Variants in ZNF142 observed in about 807,000 individuals in gnomAD.
ZNF142 encodes the protein zinc finger protein 142.
ZNF142 carries 96 observed loss-of-function variants against 132.1 expected under a neutral mutation model. That is an observed-to-expected ratio of 0.73 (90% confidence interval 0.62 to 0.86). ZNF142 has a LOEUF of 0.86. Among genes scored for constraint, ZNF142 ranks in the 40% least tolerant of loss-of-function variants. The pLI is 0.00. For missense variants in ZNF142, 2,163 were observed against 2,336.2 expected (o/e 0.93, Z 1.53); for synonymous variants, 842 against 890.1 (o/e 0.95, Z 0.96).
Position 218,636,733 on chromosome 2 carries a change from T to A in ZNF142, c.*1606A>T. ...ACCTCATTCTTCCTAACAAGCAATC[T>A]GGGACCTGATTTTCCACCTTTTTTC... On this transcript the variant is annotated 3_prime_UTR_variant, in exon 11 of 11. Transcript: ENST00000411696. 1 of 787,644 alleles carries A rather than the reference T, an allele frequency of 1.3e-6. No individual in the cohort carries two copies. The highest frequency in any genetic ancestry group is 2.1e-6 in the Non-Finnish European group (1 of 481,340). The allele number at this position is 787,644 out of a possible 1,614,324, so 48.8% of individuals were successfully genotyped here. A position where few individuals can be genotyped will look rare whatever the true frequency, so the allele number is the denominator to read the frequency against.
chr2:218,646,005 G>A (rs553501122), intron 8 of ZNF142, among the ~76,000 whole-genome samples, 166 bp downstream of exon 8: 14 of 152,250 alleles, frequency 9.2e-5, no homozygotes, highest in African/African-American at 2.4e-4. Context: ...TGCCCGCCCC[G>A]GCCTCTCAAA....
rs1696824237 is a variant in ZNF142 at position 218,637,416 on chromosome 2, G to A, written c.*923C>T. ...TCTGGCTGGAACCATCCTGGTTTATGTCTGTTGTCCCAGCATAATTATTAA... is the reference window on the plus strand; with the variant it reads ...TCTGGCTGGAACCATCCTGGTTTATATCTGTTGTCCCAGCATAATTATTAA... On this transcript the variant is annotated 3_prime_UTR_variant, in exon 11 of 11. Coordinates refer to ENST00000411696, the MANE Select transcript of ZNF142 (RefSeq NM_001379659.1). Among the ~76,000 whole-genome samples, 1 of 152,158 alleles carries A rather than the reference G, an allele frequency of 6.6e-6. No homozygotes were observed.
Position 218,652,151 on chromosome 2 carries a change from G to A in ZNF142, c.430C>T (p.Pro144Ser), listed in dbSNP as rs1421392926. 5 of 450,360 alleles carry A rather than the reference G, an allele frequency of 1.1e-5. No individual in the cohort carries two copies. The highest frequency in any genetic ancestry group is 4.7e-5 in the South Asian group (3 of 64,148). 27.9% of individuals were successfully genotyped at this position (450,360 alleles called of 1,614,324 possible). A position where few individuals can be genotyped will look rare whatever the true frequency, so the allele number is the denominator to read the frequency against. Residue 144 changes from proline (P) to serine (S), a missense_variant, in exon 5 of 11, where the codon CCT becomes TCT. Physicochemically the swap from Pro to Ser is moderately conservative, Grantham distance 74. Transcript: ENST00000411696. ...CCAGGGAGGGTTGGGTTGCTGGGAG[G>A]CAGCTCTACAGAGCATGGGGGGCTA... Reference protein sequence around the residue: ...LSSPPCSVELPPSNPTLPGPL... With the variant: ...LSSPPCSVELSPSNPTLPGPL...
chr2:218,658,282 G>A (rs1216856405), intron 3 of ZNF142, among the ~76,000 whole-genome samples: 1 of 152,206 alleles, frequency 6.6e-6, no homozygotes, highest in Non-Finnish European at 1.5e-5. Context: ...GCTCAGGCCT[G>A]TAATCCCAGC....
chr2:218,644,698 C>T lies in ZNF142; in HGVS notation c.2418G>A (p.Gln806=), dbSNP rs1215400963. The change falls in exon 9 of 11, where the codon CAG becomes CAA. Residue 806 remains glutamine, a synonymous_variant. Coordinates refer to ENST00000411696, the MANE Select transcript of ZNF142 (RefSeq NM_001379659.1). This position sits in a 1 kb window ranked among gnomAD's most constrained non-coding sequence, Gnocchi z 4.6. ...HGYVPGDQAW[Q]LRYASQEPEG... Reference sequence around the variant, plus strand: ...CTGGCTCCTGGCTTGCATAGCGGAGCTGCCAGGCCTGGTCTCCAGGTACAT... The same window carrying T: ...CTGGCTCCTGGCTTGCATAGCGGAGTTGCCAGGCCTGGTCTCCAGGTACAT... 6.2e-7 allele frequency: 1 copy of T among 1,614,226 alleles called. No homozygotes were observed. The highest frequency in any genetic ancestry group is 8.5e-7 in the Non-Finnish European group (1 of 1,180,040).
chr2:218,647,213 G>A (rs2106234547), intron 7 of ZNF142, among the ~76,000 whole-genome samples: 1 of 151,850 alleles, frequency 6.6e-6, no homozygotes, highest in South Asian at 2.1e-4. Flanking sequence ...CATGAGGTCA[G>A]GAGATCGAGA....
At chr2:218,640,547 A>G in intron 10 of ZNF142, 117 bp downstream of exon 10, 1 of 852,130 alleles carries the variant, frequency 1.2e-6, no homozygotes, top group Non-Finnish European at 1.9e-6. Flanking sequence ...CCTGCTGTCT[A>G]CTCCCAATGT....
In ZNF142 at chr2:218,646,277, G is replaced by A; in HGVS notation, c.1945C>T (p.Leu649=). ...RDVSYLSKHM[L]THSNTKDYMC... is the part of the protein sequence containing the mutation. ...TAATCCTTGGTGTTGGAGTGGGTCAGCATGTGCTTGGATAGGTAGCTCACG... is the reference window on the plus strand; with the variant it reads ...TAATCCTTGGTGTTGGAGTGGGTCAACATGTGCTTGGATAGGTAGCTCACG... The change falls in exon 8 of 11, where the codon CTG becomes TTG. Residue 649 remains leucine (L), a synonymous_variant. Transcript: ENST00000411696. 3.7e-6 allele frequency: 6 copies of A among 1,614,200 alleles called. No individual in the cohort carries two copies. Among genetic ancestry groups the A allele is most frequent in the Non-Finnish European group, 5.1e-6 (6 of 1,180,042 alleles).
rs1440805911 is a variant in ZNF142 at position 218,649,369 on chromosome 2, T to C, written c.1139A>G (p.Glu380Gly). 6.2e-7 allele frequency: 1 copy of C among 1,614,030 alleles called. No homozygotes were observed. The highest frequency in any genetic ancestry group is 8.5e-7 in the Non-Finnish European group (1 of 1,180,020). The change falls in exon 7 of 11, where the codon GAG (glutamate) becomes GGG (glycine). Residue 380 changes from glutamate to glycine, a missense_variant. By Grantham distance (98) the Glu-to-Gly change is moderately conservative (BLOSUM62 -2). This residue lies in a region of ZNF142 where 749 missense variants were observed against 830.3 expected (regional missense o/e 0.90). Coordinates refer to ENST00000411696, the MANE Select transcript of ZNF142 (RefSeq NM_001379659.1). The part of the protein sequence containing the change: ...RCFKKRTHLV[E>G]HLHLHFPDPS... ...GTCTGGGAAGTGGAGATGCAGGTGC[T>C]CCACCAGATGAGTCCGCTTCTTAAA...
chr2:218,633,516 T>C lies in ZNF142; in HGVS notation c.*4823A>G. The C allele has an allele frequency of 1.4e-6, 2 of 1,450,696 alleles. No individual in the cohort carries two copies. Among genetic ancestry groups the C allele is most frequent in the African/African-American group, 1.4e-5 (1 of 71,498 alleles). The allele number at this position is 1,450,696 out of a possible 1,614,324, so 89.9% of individuals were successfully genotyped here. A position where few individuals can be genotyped will look rare whatever the true frequency, so the allele number is the denominator to read the frequency against. ...GAGGGAGAATACAGTGGGGAGGCAG[T>C]GGGCAGAGGTTTAGGTTGGATGGCC... On this transcript the variant is annotated 3_prime_UTR_variant, in exon 11 of 11. Transcript: ENST00000411696.
Position 218,644,643 on chromosome 2 carries a change from G to A in ZNF142, c.2473C>T (p.Pro825Ser), listed in dbSNP as rs1435631049. 1.2e-6 allele frequency: 2 copies of A among 1,614,124 alleles called. No homozygotes were observed. Among genetic ancestry groups the A allele is most frequent in the African/African-American group, 1.3e-5 (1 of 74,946 alleles). The change falls in exon 9 of 11, where the codon CCA becomes TCA. Residue 825 changes from proline to serine, a missense_variant. Transcript: ENST00000411696. The surrounding 1 kb of genome is among the most constrained non-coding windows in gnomAD (Gnocchi z 4.6). ...EGAMQGPTPP[P>S]DSEPSNQLSA... ...AGCTGGTTTGAGGGCTCTGAATCTG[G>A]TGGGGGTGTTGGGCCCTGCATGGCC...
chr2:218,656,551 C>T, intron 3 of ZNF142, 88 bp from the exon 4 acceptor site: 1 of 926,886 alleles, frequency 1.1e-6, no homozygotes, highest in Non-Finnish European at 1.5e-6. Flanking sequence ...CAGTGCCCAC[C>T]CACTTAGGCA....
rs1455786212 is a variant in ZNF142, at chr2:218,645,069, C to A, written c.2052-5G>T. On this transcript the variant is annotated splice_region_variant and splice_polypyrimidine_tract_variant and intron_variant, in intron 8 of 10. Coordinates refer to ENST00000411696, the MANE Select transcript of ZNF142 (RefSeq NM_001379659.1). ...GAGCACTGGTTGCACTGATACCTGGCAAGGAGGGAAAGGGGGAGGCAATCA... is the reference window on the plus strand; with the variant it reads ...GAGCACTGGTTGCACTGATACCTGGAAAGGAGGGAAAGGGGGAGGCAATCA... The A allele has an allele frequency of 1.2e-6, 2 of 1,603,496 alleles. No homozygotes were observed.
intron 7 of ZNF142, among the ~76,000 whole-genome samples, chr2:218,647,129 A>C (rs1270453712): frequency 6.6e-6 from 1 of 152,050 alleles, no homozygotes; most frequent in Non-Finnish European, 1.5e-5. Context: ...TTTGTAAAAA[A>C]ATTCCTCCTC....
Position 218,634,762 on chromosome 2 carries a change from C to G in ZNF142, c.*3577G>C. On this transcript the variant is annotated 3_prime_UTR_variant, in exon 11 of 11. Coordinates refer to ENST00000411696, the MANE Select transcript of ZNF142 (RefSeq NM_001379659.1). The surrounding 1 kb of genome is among the most constrained non-coding windows in gnomAD (Gnocchi z 4.0). ...CAGTGTCTAGTTTTAGCTTTTGGAG[C>G]CAGCTGCCTAGCTTCAAACCACAAC... 1 of 1,111,230 alleles carries G rather than the reference C, an allele frequency of 9.0e-7. No individual in the cohort carries two copies. The highest frequency in any genetic ancestry group is 1.3e-6 in the Non-Finnish European group (1 of 776,178). 68.8% of individuals were successfully genotyped at this position (1,111,230 alleles called of 1,614,324 possible).
Position 218,643,850 on chromosome 2 carries a change from C to A in ZNF142, c.3266G>T (p.Cys1089Phe). Residue 1089 changes from cysteine (C) to phenylalanine (F), a missense_variant, in exon 9 of 11, where the codon TGC becomes TTC. Cys to Phe is a radical substitution (Grantham distance 205). Around this residue, in one of 7 missense-constraint regions of ZNF142, gnomAD observed 809 missense variants for 801.7 expected, o/e 1.01. Transcript: ENST00000411696. ...CTTGTTCTTTCTGAGTAGAACAGGG[C>A]ACTTCTTCAGCAGGTGGGTGCTGAG... Reference protein sequence around the residue: ...RGLSTHLLKKCPVLLRKNKGL... With the variant: ...RGLSTHLLKKFPVLLRKNKGL... 6.2e-7 allele frequency: 1 copy of A among 1,613,992 alleles called. No homozygotes were observed. The highest frequency in any genetic ancestry group is 8.5e-7 in the Non-Finnish European group (1 of 1,179,964).
intron 10 of ZNF142, among the ~76,000 whole-genome samples, chr2:218,640,016 T>C (rs1471223697): frequency 8.4e-6 from 1 of 118,746 alleles, no homozygotes; most frequent in Admixed American, 1.2e-4. Context: ...GAGCTTAGAT[T>C]GCGCCACTGC....
chr2:218,658,065 TTAAC>T (rs1938734737), intron 3 of ZNF142, among the ~76,000 whole-genome samples: 1 of 141,918 alleles, frequency 7.0e-6, no homozygotes, highest in Non-Finnish European at 1.5e-5. Flanking sequence ...TTCAAACTCA[TTAAC>T]TGACTATGGC....
chr2:218,646,455 A>G (rs1274367734), intron 7 of ZNF142, 107 bp from the exon 8 acceptor site: 13 of 1,284,164 alleles, frequency 1.0e-5, no homozygotes, highest in African/African-American at 1.5e-5. Context: ...GAGGAACAAC[A>G]GCTTCATGTG....
Sources: gnomAD v4.1 joint callset for allele counts (sites outside exome capture counted in the v4.1 genomes callset) on GRCh38, gnomAD v4.1.1 for gene constraint, gnomAD v4.1.1 regional missense constraint, Gnocchi (gnomAD v3.1) non-coding constraint, MANE v1.5 for transcripts, NCBI Gene and HGNC (gene_info 2026-07-23, HGNC 2026-07-21) for gene names.